Variants in SHB observed in about 807,000 individuals in gnomAD.
SHB encodes SH2 domain-containing adapter protein B.
In SHB, 20 loss-of-function variants were observed where a neutral mutation model predicts 52.3. The observed-to-expected ratio is 0.38, with a 90% confidence interval of 0.27 to 0.56. The LOEUF is 0.56. Ranked by LOEUF, SHB falls within the 20% of genes least tolerant of loss-of-function variation. The probability of loss-of-function intolerance (pLI) is 0.71; values close to 1 mark genes in which losing one functional copy is unlikely to be tolerated. For missense variants in SHB, 825 were observed against 723.3 expected, an observed-to-expected ratio of 1.14 and a Z score of -1.61; for synonymous variants, 397 against 316.5, an observed-to-expected ratio of 1.25 and a Z score of -2.70.
chr9:37,942,133 A>C (rs560793202), intron 5 of SHB, among the ~76,000 whole-genome samples: 1 of 152,224 alleles, frequency 6.6e-6, no homozygotes, highest in South Asian at 2.1e-4. Flanking sequence ...AGTGCCCCTC[A>C]GCTCTTCTTG....
At chr9:37,995,303 G>T (rs1483896275) in intron 2 of SHB, among the ~76,000 whole-genome samples, 2 of 152,324 alleles carry the variant, frequency 1.3e-5, no homozygotes, top group Non-Finnish European at 2.9e-5. Context: ...GACAGAGGCG[G>T]ACACTTTCCT....
chr9:38,058,875 G>T (rs1227652453), intron 1 of SHB, among the ~76,000 whole-genome samples: 2 of 152,048 alleles, frequency 1.3e-5, no homozygotes, highest in African/African-American at 4.8e-5. Context: ...TCTTAGCAAG[G>T]CCCTCTCTGA....
At chr9:38,036,692 C>T (rs1037633469) in intron 1 of SHB, among the ~76,000 whole-genome samples, 6 of 152,300 alleles carry the variant, frequency 3.9e-5, no homozygotes, top group African/African-American at 1.2e-4. Context: ...GGGGTTCTCT[C>T]CATTGAGCCA....
chr9:37,959,768 C>T (rs892962330), intron 3 of SHB, among the ~76,000 whole-genome samples: 1 of 152,124 alleles, frequency 6.6e-6, no homozygotes, highest in African/African-American at 2.4e-5. Context: ...CAGAGGTCAC[C>T]TATTTCAGGA....
intron 1 of SHB, among the ~76,000 whole-genome samples, chr9:38,067,127 T>A (rs529241349): frequency 2.4e-4 from 36 of 152,044 alleles, no homozygotes; most frequent in African/African-American, 8.7e-4. Context: ...GCCTAATGCG[T>A]TAGGAAGGGG....
intron 3 of SHB, among the ~76,000 whole-genome samples, chr9:37,957,383 C>T (rs1175765523): frequency 1.3e-5 from 2 of 152,218 alleles, no homozygotes; most frequent in Non-Finnish European, 1.5e-5. Context: ...AACCGAGGAG[C>T]GTGATGAACC....
chr9:38,065,325 C>T (rs1215505573), intron 1 of SHB, among the ~76,000 whole-genome samples: 8 of 152,210 alleles, frequency 5.3e-5, no homozygotes, highest in Non-Finnish European at 1.2e-4. Context: ...GAAACAAGGG[C>T]ATCCAGAGTC....
intron 3 of SHB, among the ~76,000 whole-genome samples, chr9:37,960,261 T>C (rs185145110): frequency 2.0e-5 from 3 of 152,376 alleles, no homozygotes; most frequent in Admixed American, 1.3e-4. Flanking sequence ...ACTGCTCTCA[T>C]TCCTTCTAAT....
At position 38,014,246 on chromosome 9, in the gene SHB, A is replaced by G. The variant is rs186491034; in HGVS notation, c.838+1765T>C. ...CCCTCCCCACCCTGACATTCTGAACATGACCCAAAGTCGCTCCTGTAACCA... is the reference window on the plus strand; with the variant it reads ...CCCTCCCCACCCTGACATTCTGAACGTGACCCAAAGTCGCTCCTGTAACCA... On this transcript the variant is annotated intron_variant, in intron 2 of 5. Coordinates refer to ENST00000377707, the MANE Select transcript of SHB (RefSeq NM_003028.3). Among the ~76,000 whole-genome samples, 256 of 152,152 alleles carry G rather than the reference A, an allele frequency of 1.7e-3. 1 individual carries two copies. The highest frequency in any genetic ancestry group is 6.0e-3 in the African/African-American group (250 of 41,530).
intron 2 of SHB, among the ~76,000 whole-genome samples, chr9:37,980,841 T>C (rs1275904571): frequency 1.3e-5 from 2 of 152,228 alleles, no homozygotes; most frequent in East Asian, 1.9e-4. Flanking sequence ...AGCTGAGCTC[T>C]TGGGTGACCA....
intron 3 of SHB, among the ~76,000 whole-genome samples, chr9:37,968,932 T>C (rs974829949): frequency 2.0e-5 from 3 of 152,042 alleles, no homozygotes; most frequent in African/African-American, 7.2e-5. Context: ...CCCCTCTCTG[T>C]GCTGAGTGGT....
intron 5 of SHB, among the ~76,000 whole-genome samples, chr9:37,925,129 TATCC>T (rs960664934): frequency 6.6e-6 from 1 of 152,200 alleles, no homozygotes; most frequent in Non-Finnish European, 1.5e-5. Context: ...TCCACCCATC[TATCC>T]ATCCATCCAT....
chr9:38,035,697 C>T (rs1328793576), intron 1 of SHB, among the ~76,000 whole-genome samples: 9 of 152,118 alleles, frequency 5.9e-5, no homozygotes, highest in Non-Finnish European at 1.2e-4. Context: ...GAGAGGTCAG[C>T]AACCCTCTCC....
intron 2 of SHB, 115 bp downstream of exon 2, chr9:38,015,896 G>T: frequency 9.9e-7 from 1 of 1,015,014 alleles, no homozygotes; most frequent in Non-Finnish European, 1.5e-6. Context: ...CTACCAACTT[G>T]AAAGCACACA....
rs1342402227 is a variant in SHB, at chr9:38,012,023, C to A, written c.838+3988G>T. Among the ~76,000 whole-genome samples, 3 of 152,208 alleles carry A rather than the reference C, an allele frequency of 2.0e-5. 1 individual carries two copies. Among genetic ancestry groups the A allele is most frequent in the Admixed American group, 2.0e-4 (3 of 15,288 alleles). On this transcript the variant is annotated intron_variant, in intron 2 of 5. Coordinates refer to ENST00000377707, the MANE Select transcript of SHB (RefSeq NM_003028.3). ...CTCCTGCCGGTGACACAAACTGGAG[C>A]CTGTGGAGAGGATAAGCTGAGGCAT...
chr9:37,943,145 C>T (rs778546087), intron 5 of SHB, among the ~76,000 whole-genome samples: 1 of 152,138 alleles, frequency 6.6e-6, no homozygotes, highest in African/African-American at 2.4e-5. Flanking sequence ...AGGCAAGCTC[C>T]GCCCTGCCCT....
intron 2 of SHB, among the ~76,000 whole-genome samples, chr9:38,011,757 TA>T (rs199873398): frequency 6.6e-6 from 1 of 152,096 alleles, no homozygotes; most frequent in Non-Finnish European, 1.5e-5. Context: ...CAGTGGGTTT[TA>T]AAAAAAATCT....
At chr9:37,933,892 C>T (rs1832340143) in intron 5 of SHB, among the ~76,000 whole-genome samples, 2 of 152,256 alleles carry the variant, frequency 1.3e-5, no homozygotes, top group South Asian at 2.1e-4. Context: ...AAGGCCACTG[C>T]TTCTGCCCTG....
intron 4 of SHB, among the ~76,000 whole-genome samples, chr9:37,949,122 G>C (rs151249678): frequency 2.7e-4 from 41 of 152,312 alleles, no homozygotes; most frequent in African/African-American, 8.9e-4. Flanking sequence ...TTCTCAAGGT[G>C]AGGTGGCTCA....
Sources: allele counts gnomAD v4.1 joint callset (sites outside exome capture counted in the v4.1 genomes callset), GRCh38; gene constraint gnomAD v4.1.1; transcripts MANE v1.5; gene names NCBI Gene and HGNC (gene_info 2026-07-23, HGNC 2026-07-21).